TTBK1: variants seen among roughly 807,000 people sequenced by gnomAD.
The protein encoded by TTBK1 is tau-tubulin kinase 1.
In TTBK1, 34 loss-of-function variants were observed where a neutral mutation model predicts 108.5. The ratio of observed to expected loss-of-function variants is 0.31; its 90% CI spans 0.24 to 0.42. The LOEUF (loss-of-function observed/expected upper bound fraction) is 0.42. Among genes scored for constraint, TTBK1 ranks in the 10% least tolerant of loss-of-function variants. The pLI is 1.00. For missense variants in TTBK1, 1,539 were observed against 1,826.0 expected, an observed-to-expected ratio of 0.84 and a Z score of 2.86; for synonymous variants, 809 against 795.1, an observed-to-expected ratio of 1.02 and a Z score of -0.29.
chr6:43,251,076 C>T (rs1161441457), intron 2 of TTBK1, among the ~76,000 whole-genome samples: 1 of 152,218 alleles, frequency 6.6e-6, no homozygotes, highest in Non-Finnish European at 1.5e-5. Context: ...GACACAAGCA[C>T]CTTGAAGTTC....
intron 2 of TTBK1, among the ~76,000 whole-genome samples, chr6:43,252,032 C>G (rs562573551): frequency 6.6e-6 from 1 of 152,294 alleles, no homozygotes; most frequent in Admixed American, 6.5e-5. Flanking sequence ...GTCGCTCAGT[C>G]TACACAGGGG....
At chr6:43,250,905 G>A (rs898829538) in intron 2 of TTBK1, among the ~76,000 whole-genome samples, 1 of 152,220 alleles carries the variant, frequency 6.6e-6, no homozygotes, top group Non-Finnish European at 1.5e-5. Context: ...CATCTCCCCA[G>A]AGTTTAAAGT....
At chr6:43,267,557 A>T (rs894715547) in intron 13 of TTBK1, among the ~76,000 whole-genome samples, 1 of 152,200 alleles carries the variant, frequency 6.6e-6, no homozygotes, top group Non-Finnish European at 1.5e-5. Context: ...CATGTGGGGA[A>T]CCGGGAGGGA....
At chr6:43,262,033 C>T (rs1435285791) in intron 12 of TTBK1, among the ~76,000 whole-genome samples, 1 of 152,090 alleles carries the variant, frequency 6.6e-6, no homozygotes, top group Non-Finnish European at 1.5e-5. Flanking sequence ...CCCAAGGTGA[C>T]AGCCAACCTG....
intron 2 of TTBK1, among the ~76,000 whole-genome samples, chr6:43,252,532 C>T (rs1258592137): frequency 1.3e-5 from 2 of 151,316 alleles, no homozygotes; most frequent in Non-Finnish European, 2.9e-5. Context: ...GAGAGTGAGA[C>T]GTTTGTTTGA....
At position 43,282,837 on chromosome 6, in the gene TTBK1, G is replaced by A. The variant is rs372786081; in HGVS notation, c.2097G>A (p.Ala699=). 39 of 1,613,940 alleles carry A rather than the reference G, an allele frequency of 2.4e-5. No individual in the cohort carries two copies. Among genetic ancestry groups the A allele is most frequent in the African/African-American group, 9.4e-5 (7 of 74,866 alleles). Residue 699 remains alanine, a synonymous_variant, in exon 14 of 15, where the codon GCG becomes GCA. Coordinates refer to ENST00000259750, the MANE Select transcript of TTBK1 (RefSeq NM_032538.3). This position sits in a 1 kb window ranked among gnomAD's most constrained non-coding sequence, Gnocchi z 5.4. ...ACCTCTCCGATTACCGAGAACGGGC[G>A]CGGTTGCTCAACAGGGTCCGGAGGG... ...KRDLSDYRER[A]RLLNRVRRVG...
At chr6:43,252,718 C>G in intron 2 of TTBK1, 21 bp from the exon 3 acceptor site, 1 of 1,613,622 alleles carries the variant, frequency 6.2e-7, no homozygotes, top group South Asian at 1.1e-5. Flanking sequence ...CTGAGCACCC[C>G]CTATCCCCTC....
Position 43,257,551 on chromosome 6 carries a change from G to A in TTBK1, c.862-261G>A, listed in dbSNP as rs549038818. On this transcript the variant is annotated intron_variant, in intron 9 of 14. Transcript: ENST00000259750. This position sits in a 1 kb window ranked among gnomAD's most constrained non-coding sequence, Gnocchi z 4.5. ...GAAATGGCAGAGGAGGTTTGAAGAT[G>A]GTAACCAGGGGACAGATCTCAGAGG... Among the ~76,000 whole-genome samples, 2 of 152,272 alleles carry A rather than the reference G, an allele frequency of 1.3e-5. No homozygotes were observed. The highest frequency in any genetic ancestry group is 3.9e-4 in the East Asian group (2 of 5,180).
At position 43,269,548 on chromosome 6, in the gene TTBK1, C is replaced by T; in HGVS notation, c.1986+6198C>T. The T allele has an allele frequency of 1.5e-6, 2 of 1,366,638 alleles. No individual in the cohort carries two copies. Among genetic ancestry groups the T allele is most frequent in the Non-Finnish European group, 1.9e-6 (2 of 1,044,122 alleles). The allele number at this position is 1,366,638 out of a possible 1,614,324, so 84.7% of individuals were successfully genotyped here. ...CGCCCACTTGCCCGGGACGCCGGCGCCGCAGGGGCTGTGAGCGGTGGGTGG... is the reference window on the plus strand; with the variant it reads ...CGCCCACTTGCCCGGGACGCCGGCGTCGCAGGGGCTGTGAGCGGTGGGTGG... On this transcript the variant is annotated intron_variant, in intron 13 of 14. Transcript: ENST00000259750. The surrounding 1 kb of genome is among the most constrained non-coding windows in gnomAD (Gnocchi z 4.8).
rs775471755 is a variant in TTBK1, at chr6:43,282,829, G to C, written c.2089G>C (p.Glu697Gln). The stretch of plus-strand genomic sequence containing the variant: ...CAAAAGAGACCTCTCCGATTACCGA[G>C]AACGGGCGCGGTTGCTCAACAGGGT... The part of the protein sequence containing the change: ...DFKRDLSDYR[E>Q]RARLLNRVRR... Residue 697 changes from glutamate to glutamine, a missense_variant, in exon 14 of 15, where the codon GAA becomes CAA. Coordinates refer to ENST00000259750, the MANE Select transcript of TTBK1 (RefSeq NM_032538.3). This position sits in a 1 kb window ranked among gnomAD's most constrained non-coding sequence, Gnocchi z 5.4. The C allele has an allele frequency of 6.2e-7, 1 of 1,614,100 alleles. No individual in the cohort carries two copies. The highest frequency in any genetic ancestry group is 2.2e-5 in the East Asian group (1 of 44,886).
chr6:43,255,717 C>T lies in TTBK1; in HGVS notation c.736-14C>T. 1 of 1,614,106 alleles carries T rather than the reference C, an allele frequency of 6.2e-7. No homozygotes were observed. Among genetic ancestry groups the T allele is most frequent in the Non-Finnish European group, 8.5e-7 (1 of 1,180,000 alleles). On this transcript the variant is annotated splice_polypyrimidine_tract_variant and intron_variant, in intron 8 of 14. Transcript: ENST00000259750. ...CAGCTGGGACTCCATCTCCCTGTGG[C>T]CTCTTGCCTCCAGGAACAGGTAGGG...
At chr6:43,275,153 G>A (rs1356897769) in intron 13 of TTBK1, among the ~76,000 whole-genome samples, 3 of 152,266 alleles carry the variant, frequency 2.0e-5, no homozygotes, top group African/African-American at 4.8e-5. Flanking sequence ...CCGGCCGGGA[G>A]GGCACGAGGA....
At chr6:43,251,724 G>A (rs558253898) in intron 2 of TTBK1, among the ~76,000 whole-genome samples, 3 of 152,172 alleles carry the variant, frequency 2.0e-5, no homozygotes, top group Non-Finnish European at 2.9e-5. Flanking sequence ...GGGTCAGACC[G>A]CTGCTCCATT....
chr6:43,287,922 C>G lies in TTBK1; in HGVS notation c.*2546C>G, dbSNP rs1324114179. The G allele has an allele frequency of 6.5e-6, 1 of 152,708 alleles. No homozygotes were observed. Among genetic ancestry groups the G allele is most frequent in the Non-Finnish European group, 1.5e-5 (1 of 68,340 alleles). The allele number at this position is 152,708 out of a possible 1,614,324, so 9.5% of individuals were successfully genotyped here. ...AGCCACACCGTGCACGAAGGGGGCA[C>G]AGGAGAGGAGAGGGGCTGTGCCCCA... On this transcript the variant is annotated 3_prime_UTR_variant, in exon 15 of 15. Transcript: ENST00000259750. The surrounding 1 kb of genome is among the most constrained non-coding windows in gnomAD (Gnocchi z 4.1).
In TTBK1 at chr6:43,273,907, A is replaced by G. The variant is rs1182334596; in HGVS notation, c.1987-8820A>G. 6.6e-6 allele frequency among the ~76,000 whole-genome samples: 1 copy of G among 152,200 alleles called. No individual in the cohort carries two copies. The highest frequency in any genetic ancestry group is 1.5e-5 in the Non-Finnish European group (1 of 68,034). ...TGCACCACCCTCTGTCCAGGGCTGC[A>G]GCACTCAAAGGCGACAGTGTTCTTG... On this transcript the variant is annotated intron_variant, in intron 13 of 14. Transcript: ENST00000259750. The surrounding 1 kb of genome is among the most constrained non-coding windows in gnomAD (Gnocchi z 4.2).
rs1032436458 is a variant in TTBK1 at position 43,276,935 on chromosome 6, G to A, written c.1987-5792G>A. ...GGCAGTCTCCTTTCACTGAACGGGT[G>A]GGGAGGGAAGGGGTGAGTGGACTCT... On this transcript the variant is annotated intron_variant, in intron 13 of 14. Transcript: ENST00000259750. This position sits in a 1 kb window ranked among gnomAD's most constrained non-coding sequence, Gnocchi z 5.4. 2.0e-5 allele frequency among the ~76,000 whole-genome samples: 3 copies of A among 152,154 alleles called. No homozygotes were observed. The highest frequency in any genetic ancestry group is 4.4e-5 in the Non-Finnish European group (3 of 68,040).
intron 13 of TTBK1, among the ~76,000 whole-genome samples, chr6:43,279,026 G>A (rs1253403577): frequency 2.6e-5 from 4 of 152,178 alleles, no homozygotes; most frequent in Admixed American, 1.3e-4. Flanking sequence ...AAAGAGTTTT[G>A]GGTCCTGGGC....
Position 43,282,749 on chromosome 6 carries a change from T to C in TTBK1, c.2009T>C (p.Phe670Ser). 1 of 1,607,646 alleles carries C rather than the reference T, an allele frequency of 6.2e-7. No homozygotes were observed. Among genetic ancestry groups the C allele is most frequent in the Admixed American group, 1.7e-5 (1 of 58,166 alleles). The change falls in exon 14 of 15, where the codon TTT becomes TCT. Residue 670 changes from phenylalanine (F) to serine (S), a missense_variant. Physicochemically the swap from Phe to Ser is radical, Grantham distance 155 (BLOSUM62 -2). Transcript: ENST00000259750. This position sits in a 1 kb window ranked among gnomAD's most constrained non-coding sequence, Gnocchi z 5.4. The part of the protein sequence containing the change: ...QRQVFSVAPP[F>S]EVNGLPRAVP... ...CAGGTGTTCTCCGTGGCGCCCCCAT[T>C]TGAGGTGAATGGCCTCCCACGAGCT...
intron 13 of TTBK1, chr6:43,270,815 G>C: frequency 1.0e-6 from 1 of 985,478 alleles, no homozygotes; most frequent in Non-Finnish European, 1.2e-6. Flanking sequence ...TGGTTGTTAA[G>C]GATGACGTGA....
Sources: gnomAD v4.1 joint callset for allele counts (sites outside exome capture counted in the v4.1 genomes callset) on GRCh38, gnomAD v4.1.1 for gene constraint, Gnocchi (gnomAD v3.1) non-coding constraint, MANE v1.5 for transcripts, NCBI Gene and HGNC (gene_info 2026-07-23, HGNC 2026-07-21) for gene names.